Variants in PTK2 observed in about 807,000 individuals in gnomAD.
PTK2 encodes focal adhesion kinase 1.
PTK2 carries 45 observed loss-of-function variants against 150.1 expected under a neutral mutation model. The observed-to-expected ratio is 0.30, with a 90% CI of 0.24 to 0.38. The LOEUF (loss-of-function observed/expected upper bound fraction) is 0.38, where lower values mean the gene tolerates loss of function less well. Ranked by LOEUF, PTK2 falls within the 10% of genes least tolerant of loss-of-function variation. The pLI is 1.00. For synonymous variants in PTK2, 432 were observed against 449.2 expected, an observed-to-expected ratio of 0.96 and a Z score of 0.48; for missense variants, 919 against 1,307.3, an observed-to-expected ratio of 0.70 and a Z score of 4.58.
At chr8:140,658,189 A>G (rs2075093144) in exon 32 of PTK2, 1 of 153,890 alleles carries the variant, frequency 6.5e-6, no homozygotes, top group East Asian at 1.8e-4. Flanking sequence ...TTAATAGGTG[A>G]CGATGGAATG....
chr8:140,725,466 GAA>G (rs2100045189), intron 22 of PTK2, among the ~76,000 whole-genome samples: 1 of 152,236 alleles, frequency 6.6e-6, no homozygotes, highest in African/African-American at 2.4e-5. Context: ...TCATGAGAAG[GAA>G]GAGAACGGCA....
chr8:140,923,247 T>G (rs1380840614), intron 2 of PTK2, among the ~76,000 whole-genome samples: 2 of 152,182 alleles, frequency 1.3e-5, no homozygotes, highest in Non-Finnish European at 2.9e-5. Context: ...ACAGCAGCTA[T>G]GGAAATGTTA....
At chr8:140,888,814 T>A (rs1430320879) in intron 3 of PTK2, among the ~76,000 whole-genome samples, 2 of 152,224 alleles carry the variant, frequency 1.3e-5, no homozygotes, top group African/African-American at 4.8e-5. Context: ...AAGGTTTCCC[T>A]CCTGTATGAA....
At chr8:140,748,120 T>C (rs970547299) in intron 17 of PTK2, among the ~76,000 whole-genome samples, 2 of 152,170 alleles carry the variant, frequency 1.3e-5, no homozygotes, top group African/African-American at 4.8e-5. Context: ...AAAGGATTTC[T>C]ATCTTAGACA....
At chr8:140,765,230 T>G (rs950150508) in intron 14 of PTK2, 5 of 152,232 alleles carry the variant, frequency 3.3e-5, no homozygotes, top group Non-Finnish European at 7.3e-5. Context: ...AGGAGCTCTA[T>G]TTTGATACTT....
chr8:140,978,693 G>A (rs1370703428), intron 1 of PTK2, among the ~76,000 whole-genome samples: 1 of 151,992 alleles, frequency 6.6e-6, no homozygotes, highest in Non-Finnish European at 1.5e-5. Context: ...CATTGTGGAA[G>A]TCAGTGTGGT....
intron 16 of PTK2, among the ~76,000 whole-genome samples, chr8:140,759,342 T>C (rs1358647954): frequency 6.6e-6 from 1 of 151,938 alleles, no homozygotes; most frequent in Admixed American, 6.6e-5. Flanking sequence ...CATTCCAGCC[T>C]GGGCAACATC....
At chr8:140,659,775 A>T in intron 31 of PTK2, 97 bp from the exon 36 acceptor site, 5 of 1,114,522 alleles carry the variant, frequency 4.5e-6, no homozygotes. Context: ...AGCTTGCCTC[A>T]AACTCCTGGG....
chr8:140,832,389 A>C (rs2100115981), intron 7 of PTK2, among the ~76,000 whole-genome samples: 1 of 152,186 alleles, frequency 6.6e-6, no homozygotes, highest in African/African-American at 2.4e-5. Flanking sequence ...TGGCTCTGCC[A>C]TAGGACAGAC....
At chr8:140,717,622 T>G (rs764951298) in exon 23 of PTK2, 1 of 1,613,958 alleles carries the variant, frequency 6.2e-7, no homozygotes, top group South Asian at 1.1e-5. Flanking sequence ...CATCAGACCC[T>G]CCGGAGTCCC....
intron 26 of PTK2, among the ~76,000 whole-genome samples, chr8:140,697,452 GTGTT>G (rs1398905158): frequency 9.4e-5 from 13 of 138,952 alleles, no homozygotes; most frequent in South Asian, 2.3e-4. Context: ...GTGTGTGTGT[GTGTT>G]TTTAAACGGA....
intron 27 of PTK2, among the ~76,000 whole-genome samples, chr8:140,677,388 G>T (rs970907072): frequency 6.6e-6 from 1 of 152,142 alleles, no homozygotes; most frequent in African/African-American, 2.4e-5. Flanking sequence ...TCTGTCCCAG[G>T]TACAGGATAA....
In PTK2 at chr8:140,878,155, G is replaced by GTCA. The variant is rs2100146792; in HGVS notation, c.362+1313_362+1315dup. ...TGCTTAATTGACTAAATAGTTGGAA[G>GTCA]TCAAATCTTCTCTAGCCATTGATGT... On this transcript the variant is annotated intron_variant, in intron 4 of 31. Transcript: ENST00000522684. 2.0e-5 allele frequency among the ~76,000 whole-genome samples: 3 copies of GTCA among 152,330 alleles called. No homozygotes were observed. In the South Asian group the frequency reaches 6.2e-4, roughly 32 times the overall value.
chr8:140,863,718 T>C (rs1192732052), intron 5 of PTK2, among the ~76,000 whole-genome samples: 1 of 152,212 alleles, frequency 6.6e-6, no homozygotes, highest in Non-Finnish European at 1.5e-5. Flanking sequence ...ACAAAGCAAC[T>C]GATGACAGGA....
chr8:140,792,318 G>A (rs1354627059), intron 13 of PTK2, among the ~76,000 whole-genome samples: 1 of 152,154 alleles, frequency 6.6e-6, no homozygotes, highest in Non-Finnish European at 1.5e-5. Context: ...AAAACCCTAG[G>A]CACCAAGTCT....
At chr8:140,784,033 C>T (rs1237462790) in intron 14 of PTK2, among the ~76,000 whole-genome samples, 4 of 152,056 alleles carry the variant, frequency 2.6e-5, no homozygotes, top group African/African-American at 9.7e-5. Context: ...CGTGGTGGTG[C>T]ACAACTGTAG....
chr8:140,751,824 AGG>A, intron 17 of PTK2: 1 of 465,680 alleles, frequency 2.1e-6, no homozygotes, highest in South Asian at 1.6e-5. Flanking sequence ...TAGCAGGACA[AGG>A]GGAATGGTCA....
intron 5 of PTK2, among the ~76,000 whole-genome samples, chr8:140,851,757 G>A (rs2100129387): frequency 6.6e-6 from 1 of 151,994 alleles, no homozygotes; most frequent in Admixed American, 6.6e-5. Context: ...TACACGGGAG[G>A]CTGAAGAAGG....
At chr8:140,893,220 G>T (rs997365985) in intron 2 of PTK2, among the ~76,000 whole-genome samples, 1 of 152,148 alleles carries the variant, frequency 6.6e-6, no homozygotes. Context: ...TTGGGAGGCC[G>T]AGGATTGCTT....
Sources: allele counts gnomAD v4.1 joint callset (sites outside exome capture counted in the v4.1 genomes callset), GRCh38; gene constraint gnomAD v4.1.1; transcripts MANE v1.5; gene names NCBI Gene and HGNC (gene_info 2026-07-23, HGNC 2026-07-21).